The following TM2D1 variants were observed in gnomAD, a reference collection of about 807,000 sequenced individuals.
The protein encoded by TM2D1 is TM2 domain-containing protein 1.
Under a neutral mutation model 28.4 loss-of-function variants are expected in TM2D1, and 15 were observed. The observed-to-expected ratio is 0.53, with a 90% CI of 0.35 to 0.81. The LOEUF (loss-of-function observed/expected upper bound fraction) is 0.81, where lower values mean the gene tolerates loss of function less well. Ranked by LOEUF, TM2D1 falls within the 40% of genes least tolerant of loss-of-function variation. The probability of loss-of-function intolerance (pLI) is 0.01; values close to 1 mark genes in which losing one functional copy is unlikely to be tolerated. For synonymous variants in TM2D1, 93 were observed against 96.2 expected, an observed-to-expected ratio of 0.97 and a Z score of 0.20; for missense variants, 236 against 254.9, an observed-to-expected ratio of 0.93 and a Z score of 0.50.
intron 2 of TM2D1, among the ~76,000 whole-genome samples, chr1:61,717,202 CA>C (rs58545051): frequency 0.3 from 43,482 of 143,526 alleles, 6,896 homozygotes; most frequent in African/African-American, 0.44. Flanking sequence ...CAAAACAAAA[CA>C]AAAAAAAAAA....
Position 61,682,892 on chromosome 1 carries a change from CAAAAAAA to C in TM2D1, c.*19+518_*19+524del, listed in dbSNP as rs66468339. On this transcript the variant is annotated intron_variant, in intron 6 of 6. Transcript: ENST00000606498. ...TGGGCAACAGAGCAAGACTCTGTCT[CAAAAAAA>C]AAAAAAAAAAAGAAAAAGAAAAAGA... 7.4e-3 allele frequency among the ~76,000 whole-genome samples: 448 copies of C among 60,664 alleles called. 4 individuals carry two copies. Among genetic ancestry groups the C allele is most frequent in the African/African-American group, 0.022 (431 of 19,514 alleles). The allele number at this position is 60,664 out of a possible 152,430, so 39.8% of individuals were successfully genotyped here. A position where few individuals can be genotyped will look rare whatever the true frequency, so the allele number is the denominator to read the frequency against.
At chr1:61,717,574 T>C (rs933863938) in intron 2 of TM2D1, among the ~76,000 whole-genome samples, 1 of 152,064 alleles carries the variant, frequency 6.6e-6, no homozygotes, top group African/African-American at 2.4e-5. Flanking sequence ...TTTTTTTTGT[T>C]TGACTGGTTT....
Position 61,691,932 on chromosome 1 carries a change from A to AAAAT in TM2D1, c.513+2764_513+2765insATTT. Among the ~76,000 whole-genome samples, 12 of 76,404 alleles carry AAAAT rather than the reference A, an allele frequency of 1.6e-4. 1 individual carries two copies. In the East Asian group the frequency reaches 2.8e-3, roughly 18 times the overall value. 50.1% of individuals were successfully genotyped at this position (76,404 alleles called of 152,430 possible). A position where few individuals can be genotyped will look rare whatever the true frequency, so the allele number is the denominator to read the frequency against. ...TCTCAAAAAAAACTTAAAAAAAAAA[A>AAAAT]ATATATATATATATATATATATATA... On this transcript the variant is annotated intron_variant, in intron 5 of 6. Coordinates refer to ENST00000606498, the MANE Select transcript of TM2D1 (RefSeq NM_032027.3).
chr1:61,709,574 G>A, intron 2 of TM2D1, 137 bp from the exon 3 acceptor site: 3 of 626,206 alleles, frequency 4.8e-6, no homozygotes, highest in South Asian at 1.8e-5. Flanking sequence ...TTTTAGGTGG[G>A]AAAAGTGACA....
intron 2 of TM2D1, among the ~76,000 whole-genome samples, chr1:61,713,458 AAGAGG>A (rs112290077): frequency 8.4e-4 from 125 of 148,310 alleles, no homozygotes; most frequent in African/African-American, 3.0e-3. Context: ...CAGCCTGGGT[AAGAGG>A]ACAAGACCCC....
intron 2 of TM2D1, among the ~76,000 whole-genome samples, chr1:61,717,858 C>T (rs1322022278): frequency 1.8e-4 from 27 of 151,792 alleles, no homozygotes; most frequent in Admixed American, 1.7e-3. Flanking sequence ...GGCAACTCTG[C>T]AAAAAATACT....
At chr1:61,703,009 G>A (rs1644414212) in intron 3 of TM2D1, among the ~76,000 whole-genome samples, 1 of 151,428 alleles carries the variant, frequency 6.6e-6, no homozygotes, top group African/African-American at 2.4e-5. Context: ...GGGAGGCTGA[G>A]GCATGAGAAT....
At chr1:61,688,187 T>C (rs577602926) in intron 5 of TM2D1, among the ~76,000 whole-genome samples, 2 of 152,306 alleles carry the variant, frequency 1.3e-5, no homozygotes, top group African/African-American at 2.4e-5. Context: ...AAACATAGCA[T>C]TGGGATTCGT....
chr1:61,712,148 T>C (rs1205201343), intron 2 of TM2D1, among the ~76,000 whole-genome samples: 1 of 152,080 alleles, frequency 6.6e-6, no homozygotes, highest in African/African-American at 2.4e-5. Context: ...TAGGGGCATA[T>C]AGTGAGTACA....
chr1:61,720,432 G>A lies in TM2D1; in HGVS notation c.238+3281C>T, dbSNP rs1300879155. On this transcript the variant is annotated intron_variant, in intron 2 of 6. Coordinates refer to ENST00000606498, the MANE Select transcript of TM2D1 (RefSeq NM_032027.3). ...AATTTTTCTATTTTTAGTAGAGACAGGGTTTCGCCATGTTTGCCAGACTGG... is the reference window on the plus strand; with the variant it reads ...AATTTTTCTATTTTTAGTAGAGACAAGGTTTCGCCATGTTTGCCAGACTGG... 1.3e-5 allele frequency among the ~76,000 whole-genome samples: 2 copies of A among 152,006 alleles called. 1 individual carries two copies. Among genetic ancestry groups the A allele is most frequent in the Non-Finnish European group, 2.9e-5 (2 of 68,006 alleles).
At chr1:61,705,212 T>C (rs56143974) in intron 3 of TM2D1, among the ~76,000 whole-genome samples, 52,502 of 151,884 alleles carry the variant, frequency 0.35, 10,783 homozygotes, top group East Asian at 0.48. Flanking sequence ...CATTTCTCTT[T>C]CTCTGTTGCC....
rs760170485 is a variant in TM2D1, at chr1:61,700,929, C to T, written c.439+5G>A. On this transcript the variant is annotated splice_donor_5th_base_variant and intron_variant, in intron 4 of 6. Transcript: ENST00000606498. ...AAGGATTTTTTTTTAATGAAACATA[C>T]GCACCCAAAGCAGGGTATCCAAGGT... 1.1e-5 allele frequency: 17 copies of T among 1,595,440 alleles called. No individual in the cohort carries two copies. The highest frequency in any genetic ancestry group is 1.7e-5 in the Admixed American group (1 of 57,190).
At chr1:61,714,165 G>T (rs1644500209) in intron 2 of TM2D1, among the ~76,000 whole-genome samples, 1 of 148,690 alleles carries the variant, frequency 6.7e-6, no homozygotes, top group Non-Finnish European at 1.5e-5. Context: ...AAAGTGCTGG[G>T]ATTACAGGCC....
intron 2 of TM2D1, 61 bp downstream of exon 2, chr1:61,723,652 A>C: frequency 2.3e-6 from 2 of 885,584 alleles, no homozygotes; most frequent in African/African-American, 1.7e-5. Flanking sequence ...GTGATCATAC[A>C]TTGACCTATG....
intron 2 of TM2D1, among the ~76,000 whole-genome samples, chr1:61,722,187 G>A (rs920786950): frequency 1.3e-5 from 2 of 152,024 alleles, no homozygotes; most frequent in African/African-American, 4.8e-5. Context: ...TCCAGAGGCC[G>A]AGGTGGGAGG....
intron 2 of TM2D1, among the ~76,000 whole-genome samples, chr1:61,715,728 T>C (rs1297957566): frequency 6.7e-6 from 1 of 149,500 alleles, no homozygotes; most frequent in Non-Finnish European, 1.5e-5. Flanking sequence ...GCATATGTTG[T>C]GTAAAGCATG....
At chr1:61,697,578 C>T (rs886417763) in intron 4 of TM2D1, 1 of 152,110 alleles carries the variant, frequency 6.6e-6, no homozygotes, top group Non-Finnish European at 1.5e-5. Flanking sequence ...ACCTAAATGA[C>T]ATGCAATGAC....
chr1:61,725,085 C>T lies in TM2D1; in HGVS notation c.36G>A (p.Pro12=). The change falls in exon 1 of 7, where the codon CCG becomes CCA. Residue 12 remains proline, a synonymous_variant. Transcript: ENST00000606498. ...CAACGAGTCTGGCCGTCACGGCCTC[C>T]GGAGCAGACGGACCAGACGGCCAGG... ...AAAWPSGPSA[P]EAVTARLVGV... is the part of the protein sequence containing the mutation. 6.2e-7 allele frequency: 1 copy of T among 1,613,810 alleles called. No homozygotes were observed. The highest frequency in any genetic ancestry group is 1.1e-5 in the South Asian group (1 of 91,086).
At chr1:61,687,555 G>GA (rs899014338) in intron 5 of TM2D1, among the ~76,000 whole-genome samples, 6 of 151,574 alleles carry the variant, frequency 4.0e-5, no homozygotes, top group Non-Finnish European at 5.9e-5. Context: ...AAGAATAAAG[G>GA]AAAAAAAATG....
Sources: gnomAD v4.1 joint callset for allele counts (sites outside exome capture counted in the v4.1 genomes callset) on GRCh38, gnomAD v4.1.1 for gene constraint, MANE v1.5 for transcripts, NCBI Gene and HGNC (gene_info 2026-07-23, HGNC 2026-07-21) for gene names.